The following CSGALNACT1 variants were observed in gnomAD, a reference collection of about 807,000 sequenced individuals.
CSGALNACT1 encodes the protein beta4GalNAcT-1.
A neutral mutation model predicts 51.0 loss-of-function variants in CSGALNACT1; 52 were observed. The observed-to-expected ratio is 1.02, with a 90% confidence interval of 0.82 to 1.29. The LOEUF (loss-of-function observed/expected upper bound fraction) is 1.29. Among genes scored for constraint, CSGALNACT1 ranks in the 50% most tolerant of loss-of-function variants. CSGALNACT1 has a pLI of 0.00. For synonymous variants in CSGALNACT1, 341 were observed against 254.4 expected, an observed-to-expected ratio of 1.34 and a Z score of -3.24; for missense variants, 935 against 679.2, an observed-to-expected ratio of 1.38 and a Z score of -4.19.
chr8:19,666,528 T>C (rs1319941561), intron 1 of CSGALNACT1, among the ~76,000 whole-genome samples: 1 of 151,712 alleles, frequency 6.6e-6, no homozygotes, highest in Non-Finnish European at 1.5e-5. Context: ...ACCCTGTCTC[T>C]ACTAAAAAAT....
chr8:19,682,664 G>A (rs1289997814), upstream of CSGALNACT1: 1 of 453,902 alleles, frequency 2.2e-6, no homozygotes, highest in Non-Finnish European at 4.4e-6. Context: ...AAACCACAAG[G>A]AAGCCATTGA....
At chr8:19,416,816 A>C (rs1290806247) in intron 8 of CSGALNACT1, among the ~76,000 whole-genome samples, 1 of 152,194 alleles carries the variant, frequency 6.6e-6, no homozygotes, top group East Asian at 1.9e-4. Flanking sequence ...CTGACGATAC[A>C]TGACATCTCT....
At chr8:19,508,145 C>T (rs28536142) in intron 3 of CSGALNACT1, among the ~76,000 whole-genome samples, 158 of 152,318 alleles carry the variant, frequency 1.0e-3, no homozygotes, top group African/African-American at 3.7e-3. Context: ...AAGAAGAGCT[C>T]AGCCCAGTCA....
At chr8:19,627,093 T>C (rs1298197096) in intron 1 of CSGALNACT1, among the ~76,000 whole-genome samples, 2 of 152,210 alleles carry the variant, frequency 1.3e-5, no homozygotes, top group East Asian at 3.8e-4. Context: ...ACATAAAATG[T>C]ACATCAGTTT....
chr8:19,541,241 G>A (rs1011683322), intron 3 of CSGALNACT1, among the ~76,000 whole-genome samples: 11 of 144,350 alleles, frequency 7.6e-5, no homozygotes, highest in Admixed American at 7.1e-4. Flanking sequence ...CACCAAACTT[G>A]GCTAATTTTT....
chr8:19,466,919 C>T (rs2066823071), intron 4 of CSGALNACT1, among the ~76,000 whole-genome samples: 1 of 152,146 alleles, frequency 6.6e-6, no homozygotes, highest in Non-Finnish European at 1.5e-5. Context: ...GAAATAGTTG[C>T]AGCGACTGGT....
chr8:19,590,972 A>T (rs1254799597), intron 3 of CSGALNACT1, among the ~76,000 whole-genome samples: 1 of 152,158 alleles, frequency 6.6e-6, no homozygotes, highest in African/African-American at 2.4e-5. Context: ...ATTTTTAGCC[A>T]TTAGGTATTT....
At chr8:19,571,910 G>A (rs981120768) in intron 3 of CSGALNACT1, among the ~76,000 whole-genome samples, 12 of 152,212 alleles carry the variant, frequency 7.9e-5, no homozygotes, top group South Asian at 2.1e-4. Flanking sequence ...ACAAAGATAA[G>A]ATGGATTTAT....
rs548468509 is a variant in CSGALNACT1, at chr8:19,660,083, T to C, written c.-544+22390A>G. Among the ~76,000 whole-genome samples the C allele has an allele frequency of 9.2e-5, 14 of 152,340 alleles. No individual in the cohort carries two copies. The East Asian group carries it at 2.7e-3, about 29-fold the overall frequency. On this transcript the variant is annotated intron_variant, in intron 1 of 9. Coordinates refer to the CSGALNACT1 transcript ENST00000332246. ...GGAAGTTAAGTCAACTGCCCAGTCT[T>C]ACAACTAGGATGTGGCGAAGCCATG... is the stretch of plus-strand genomic sequence containing the variant.
chr8:19,703,909 A>C (rs1267702838), intron 1 of CSGALNACT1, among the ~76,000 whole-genome samples: 1 of 152,136 alleles, frequency 6.6e-6, no homozygotes, highest in Non-Finnish European at 1.5e-5. Context: ...AGCTCTCAGG[A>C]GCCTCTTACA....
intron 1 of CSGALNACT1, among the ~76,000 whole-genome samples, chr8:19,677,643 G>T (rs545901516): frequency 4.7e-4 from 72 of 152,256 alleles, no homozygotes; most frequent in Non-Finnish European, 9.6e-4. Context: ...ATGTGGATAG[G>T]TTTGTAAATT....
chr8:19,552,762 T>A (rs1478696018), intron 3 of CSGALNACT1, among the ~76,000 whole-genome samples: 2 of 152,202 alleles, frequency 1.3e-5, no homozygotes, highest in Non-Finnish European at 2.9e-5. Context: ...GTGTAAAAAG[T>A]GTCATGAAAA....
chr8:19,505,279 A>G (rs2077095818), exon 4 of CSGALNACT1: 1 of 1,614,070 alleles, frequency 6.2e-7, no homozygotes, highest in African/African-American at 1.3e-5. Context: ...TCCAAGGCTG[A>G]TTCAATGGCT....
At chr8:19,570,501 A>C (rs1325853271) in intron 3 of CSGALNACT1, among the ~76,000 whole-genome samples, 2 of 152,190 alleles carry the variant, frequency 1.3e-5, no homozygotes, top group African/African-American at 4.8e-5. Flanking sequence ...AGAGAGCAAG[A>C]GGTAATGAGG....
chr8:19,756,548 G>C (rs2065390219), intron 1 of CSGALNACT1, among the ~76,000 whole-genome samples: 1 of 152,098 alleles, frequency 6.6e-6, no homozygotes, highest in Non-Finnish European at 1.5e-5. Flanking sequence ...GCTTCCTACA[G>C]CTTTCCTCTC....
intron 1 of CSGALNACT1, among the ~76,000 whole-genome samples, chr8:19,712,990 T>A (rs1341472432): frequency 1.3e-5 from 2 of 152,110 alleles, no homozygotes; most frequent in Non-Finnish European, 2.9e-5. Flanking sequence ...AACGAAAAAA[T>A]ACTATTTTCA....
At chr8:19,548,724 T>C (rs1202015118) in intron 3 of CSGALNACT1, among the ~76,000 whole-genome samples, 1 of 152,214 alleles carries the variant, frequency 6.6e-6, no homozygotes, top group Non-Finnish European at 1.5e-5. Flanking sequence ...CCTCTCCAAC[T>C]TCCCTGAGTC....
chr8:19,711,581 T>A (rs539052122), intron 1 of CSGALNACT1, among the ~76,000 whole-genome samples: 2 of 152,322 alleles, frequency 1.3e-5, no homozygotes, highest in Non-Finnish European at 2.9e-5. Flanking sequence ...TAAAAATTAA[T>A]ATATTTCAGA....
At chr8:19,459,326 T>G (rs1263172666) in intron 4 of CSGALNACT1, among the ~76,000 whole-genome samples, 2 of 136,470 alleles carry the variant, frequency 1.5e-5, no homozygotes, top group East Asian at 4.3e-4. Flanking sequence ...GAGGTTGGAG[T>G]GAGCCAAGTT....
Sources: allele counts gnomAD v4.1 joint callset (sites outside exome capture counted in the v4.1 genomes callset), GRCh38; gene constraint gnomAD v4.1.1; transcripts MANE v1.5; gene names NCBI Gene and HGNC (gene_info 2026-07-23, HGNC 2026-07-21).